Variants in KCNMA1 observed in about 807,000 individuals in gnomAD.
KCNMA1 encodes the protein Calcium-activated potassium channel subunit alpha-1.
In KCNMA1, 29 loss-of-function variants were observed where a neutral mutation model predicts 140.0. That is an observed-to-expected ratio of 0.21 (90% CI 0.15 to 0.28). The LOEUF is 0.28. Ranked by LOEUF, KCNMA1 falls within the 10% of genes least tolerant of loss-of-function variation. The probability of loss-of-function intolerance (pLI) is 1.00; values close to 1 mark genes in which losing one functional copy is unlikely to be tolerated. For synonymous variants in KCNMA1, 612 were observed against 611.9 expected, an observed-to-expected ratio of 1.00 and a Z score of 0.00; for missense variants, 880 against 1,602.2, an observed-to-expected ratio of 0.55 and a Z score of 7.70.
chr10:77,460,007 CA>C lies in KCNMA1; in HGVS notation c.379-55985del, dbSNP rs138158371. Among the ~76,000 whole-genome samples, 289 of 152,348 alleles carry C rather than the reference CA, an allele frequency of 1.9e-3. 2 individuals carry two copies. Among genetic ancestry groups the C allele is most frequent in the East Asian group, 0.018 (96 of 5,192 alleles). On this transcript the variant is annotated intron_variant, in intron 1 of 27. Transcript: ENST00000286628. ...AGATAGCAAATATTCTATGGCATTG[CA>C]GGTCACACAGACTCTCACAACCTCT...
intron 1 of KCNMA1, among the ~76,000 whole-genome samples, chr10:77,497,710 T>C (rs1027736681): frequency 2.6e-5 from 4 of 152,248 alleles, no homozygotes; most frequent in African/African-American, 7.2e-5. Flanking sequence ...TGTAATGGTC[T>C]TCTCCAATTC....
intron 1 of KCNMA1, among the ~76,000 whole-genome samples, chr10:77,537,858 C>T (rs1339724055): frequency 6.6e-6 from 1 of 151,984 alleles, no homozygotes; most frequent in Non-Finnish European, 1.5e-5. Flanking sequence ...TCCTGGCTCT[C>T]CCTCACTGAT....
chr10:77,109,707 T>C (rs182289943), intron 8 of KCNMA1, among the ~76,000 whole-genome samples: 106 of 152,224 alleles, frequency 7.0e-4, no homozygotes, highest in African/African-American at 2.4e-3. Context: ...CCCTTCTCTT[T>C]AGGGCAGGCC....
At chr10:77,427,820 G>T (rs1285996064) in intron 1 of KCNMA1, among the ~76,000 whole-genome samples, 1 of 151,658 alleles carries the variant, frequency 6.6e-6, no homozygotes, top group Non-Finnish European at 1.5e-5. Flanking sequence ...CATGATCTCG[G>T]CTCACTGCTG....
intron 21 of KCNMA1, chr10:76,951,896 C>CTAGA: frequency 1.2e-6 from 1 of 831,038 alleles, no homozygotes; most frequent in East Asian, 2.8e-5. Context: ...CCCCACCCTG[C>CTAGA]TAGAACACAA....
intron 9 of KCNMA1, among the ~76,000 whole-genome samples, chr10:77,098,528 T>C (rs1052885347): frequency 3.3e-5 from 5 of 151,990 alleles, no homozygotes; most frequent in African/African-American, 1.2e-4. Flanking sequence ...CTTTCTGGGA[T>C]CTTGCTCTTC....
intron 1 of KCNMA1, among the ~76,000 whole-genome samples, chr10:77,571,954 T>C (rs1269854226): frequency 6.6e-6 from 1 of 152,048 alleles, no homozygotes; most frequent in African/African-American, 2.4e-5. Flanking sequence ...AGCAACAAGG[T>C]TTTAATGACC....
At chr10:77,284,540 GTCTC>G (rs1475489904) in intron 2 of KCNMA1, among the ~76,000 whole-genome samples, 1 of 152,036 alleles carries the variant, frequency 6.6e-6, no homozygotes, top group Non-Finnish European at 1.5e-5. Context: ...TCAAGATGGT[GTCTC>G]TCTATGTTGC....
intron 2 of KCNMA1, among the ~76,000 whole-genome samples, chr10:77,369,687 AG>A (rs1176946614): frequency 6.6e-6 from 1 of 152,210 alleles, no homozygotes. Context: ...ACAACATTCC[AG>A]AAGTTTTAAC....
At chr10:77,252,657 G>A (rs376212019) in intron 2 of KCNMA1, among the ~76,000 whole-genome samples, 1 of 151,988 alleles carries the variant, frequency 6.6e-6, no homozygotes, top group East Asian at 1.9e-4. Flanking sequence ...GTGCCAAAGT[G>A]GCTGACAGAA....
chr10:76,948,941 T>C (rs2152940307), intron 22 of KCNMA1: 3 of 631,644 alleles, frequency 4.7e-6, no homozygotes, highest in African/African-American at 1.8e-5. Context: ...GGGACTGAAC[T>C]TGGCTGCAAA....
At chr10:77,335,373 T>G (rs1405625892) in intron 2 of KCNMA1, among the ~76,000 whole-genome samples, 1 of 152,194 alleles carries the variant, frequency 6.6e-6, no homozygotes, top group East Asian at 1.9e-4. Context: ...TAAAATAAGA[T>G]TCCTCTGATC....
intron 19 of KCNMA1, among the ~76,000 whole-genome samples, chr10:76,977,362 A>G (rs184803959): frequency 3.9e-5 from 6 of 152,314 alleles, no homozygotes; most frequent in African/African-American, 7.2e-5. Flanking sequence ...AAGAATAATA[A>G]TATTTGGTAA....
At chr10:77,077,106 G>A (rs1035193129) in intron 13 of KCNMA1, among the ~76,000 whole-genome samples, 69 of 152,166 alleles carry the variant, frequency 4.5e-4, no homozygotes, top group African/African-American at 1.6e-3. Context: ...AACATCTCAG[G>A]AAACACAGCA....
At chr10:77,410,268 C>G (rs1035995171) in intron 1 of KCNMA1, among the ~76,000 whole-genome samples, 5 of 152,190 alleles carry the variant, frequency 3.3e-5, no homozygotes, top group African/African-American at 1.2e-4. Flanking sequence ...CACACCTGCT[C>G]TCACCCGGTT....
chr10:77,283,087 C>T (rs1452326066), intron 2 of KCNMA1, among the ~76,000 whole-genome samples: 2 of 152,164 alleles, frequency 1.3e-5, no homozygotes, highest in African/African-American at 4.8e-5. Context: ...AACTACCAGC[C>T]TTTACCTAGT....
At chr10:77,181,905 T>C (rs776604028) in intron 5 of KCNMA1, among the ~76,000 whole-genome samples, 1 of 152,176 alleles carries the variant, frequency 6.6e-6, no homozygotes, top group Non-Finnish European at 1.5e-5. Context: ...TTTTAGGATA[T>C]GGACACATAC....
chr10:77,152,323 A>G (rs1434906595), intron 5 of KCNMA1, among the ~76,000 whole-genome samples: 1 of 117,484 alleles, frequency 8.5e-6, no homozygotes, highest in Non-Finnish European at 1.8e-5. Flanking sequence ...TGCTGTTGTC[A>G]TTATTTTGTA....
intron 20 of KCNMA1, among the ~76,000 whole-genome samples, chr10:76,965,714 T>G (rs187086819): frequency 3.7e-4 from 56 of 152,304 alleles, no homozygotes; most frequent in African/African-American, 1.3e-3. Flanking sequence ...TTTACCAGAC[T>G]TTACATTTCT....
Sources: gnomAD v4.1 joint callset for allele counts (sites outside exome capture counted in the v4.1 genomes callset) on GRCh38, gnomAD v4.1.1 for gene constraint, MANE v1.5 for transcripts, NCBI Gene and HGNC (gene_info 2026-07-23, HGNC 2026-07-21) for gene names.